The following MED27 variants were observed in gnomAD, a reference collection of about 807,000 sequenced individuals.
The protein encoded by MED27 is mediator complex subunit 27, also known as mediator of RNA polymerase II transcription subunit 27.
MED27 carries 30 observed loss-of-function variants against 38.2 expected under a neutral mutation model. That is an observed-to-expected ratio of 0.79 (90% CI 0.59 to 1.07). The LOEUF is 1.07. Among genes scored for constraint, MED27 ranks in the 50% least tolerant of loss-of-function variants. The pLI, the probability that MED27 is intolerant of heterozygous loss-of-function variation, is 0.00. For missense variants in MED27, 289 were observed against 397.5 expected (o/e 0.73, Z 2.32); for synonymous variants, 122 against 153.5 (o/e 0.79, Z 1.52).
At chr9:132,007,964 G>A (rs1234146803) in intron 3 of MED27, among the ~76,000 whole-genome samples, 1 of 152,102 alleles carries the variant, frequency 6.6e-6, no homozygotes, top group Admixed American at 6.5e-5. Flanking sequence ...CCAGGGCATG[G>A]AGGTAATAGT....
At chr9:131,906,125 T>C (rs1305322443) in intron 4 of MED27, among the ~76,000 whole-genome samples, 1 of 152,258 alleles carries the variant, frequency 6.6e-6, no homozygotes, top group East Asian at 1.9e-4. Context: ...ATTATTCACT[T>C]GCTCACTCAT....
rs76818655 is a variant in MED27 at position 131,957,082 on chromosome 9, T to C, written c.480-17608A>G. Reference sequence around the variant, plus strand: ...AAGGAGACGTCGCATTCGCTGCCGGTAGGAGTACAAAGTGGCAGAACAACT... The same window carrying C: ...AAGGAGACGTCGCATTCGCTGCCGGCAGGAGTACAAAGTGGCAGAACAACT... On this transcript the variant is annotated intron_variant, in intron 3 of 7. Coordinates refer to ENST00000292035, the MANE Select transcript of MED27 (RefSeq NM_004269.4). Among the ~76,000 whole-genome samples the C allele has an allele frequency of 2.2e-3, 331 of 152,274 alleles. 1 individual carries two copies. The highest frequency in any genetic ancestry group is 7.6e-3 in the African/African-American group (314 of 41,554).
Position 131,863,099 on chromosome 9 carries a change from C to T in MED27, c.765G>A (p.Leu255=), listed in dbSNP as rs1400776085. 6.2e-7 allele frequency: 1 copy of T among 1,614,154 alleles called. No individual in the cohort carries two copies. The highest frequency in any genetic ancestry group is 1.1e-5 in the South Asian group (1 of 91,070). ...HATTALLHYQ[L]PQMPDVVVRS... ...GGACCACGACATCCGGCATCTGGGG[C>T]AGCTGATAGTGGAGCAGGGCAGTGG... The change falls in exon 7 of 8, where the codon CTG becomes CTA. Residue 255 remains leucine, a synonymous_variant. Coordinates refer to ENST00000292035, the MANE Select transcript of MED27 (RefSeq NM_004269.4).
At chr9:132,026,706 TAGG>T (rs1429032908) in intron 2 of MED27, among the ~76,000 whole-genome samples, 2 of 152,136 alleles carry the variant, frequency 1.3e-5, no homozygotes. Context: ...GTAAGCCCCG[TAGG>T]AGTAGATATC....
chr9:131,985,201 A>C (rs1246554766), intron 3 of MED27, among the ~76,000 whole-genome samples: 2 of 151,944 alleles, frequency 1.3e-5, no homozygotes, highest in African/African-American at 4.8e-5. Flanking sequence ...GCGGACTCTA[A>C]GTCTTTACTG....
chr9:131,884,104 G>A lies in MED27; in HGVS notation c.682-5C>T, dbSNP rs1288474287. Reference sequence around the variant, plus strand: ...GGATTTGGACCATATATCAAGCTGAGGGGAAAGGAGAGAAGGATCATCAGC... The same window carrying A: ...GGATTTGGACCATATATCAAGCTGAAGGGAAAGGAGAGAAGGATCATCAGC... On this transcript the variant is annotated splice_region_variant and splice_polypyrimidine_tract_variant and intron_variant, in intron 5 of 7. Coordinates refer to ENST00000292035, the MANE Select transcript of MED27 (RefSeq NM_004269.4). 1 of 1,603,808 alleles carries A rather than the reference G, an allele frequency of 6.2e-7. No individual in the cohort carries two copies. Among genetic ancestry groups the A allele is most frequent in the African/African-American group, 1.3e-5 (1 of 74,496 alleles).
At chr9:132,019,571 T>C (rs540815313) in intron 2 of MED27, among the ~76,000 whole-genome samples, 25 of 152,254 alleles carry the variant, frequency 1.6e-4, no homozygotes, top group African/African-American at 6.0e-4. Flanking sequence ...AATCACAGAA[T>C]TTAACAATAG....
In MED27 at chr9:131,982,323, G is replaced by A. The variant is rs1831753575; in HGVS notation, c.479+32014C>T. ...AGATCACGTGCAGAGGCCACACGGA[G>A]AGGGAGGGGCTCTGAGGCTACAGGG... On this transcript the variant is annotated intron_variant, in intron 3 of 7. Transcript: ENST00000292035. The surrounding 1 kb of genome is among the most constrained non-coding windows in gnomAD (Gnocchi z 4.3). Among the ~76,000 whole-genome samples the A allele has an allele frequency of 6.6e-6, 1 of 152,218 alleles. No homozygotes were observed. Among genetic ancestry groups the A allele is most frequent in the Non-Finnish European group, 1.5e-5 (1 of 68,032 alleles).
At chr9:131,958,576 A>G (rs1467891776) in intron 3 of MED27, among the ~76,000 whole-genome samples, 1 of 152,182 alleles carries the variant, frequency 6.6e-6, no homozygotes, top group Non-Finnish European at 1.5e-5. Flanking sequence ...AGTCTTGGTT[A>G]GACAAGGCAA....
At chr9:132,042,465 C>T (rs1345219735) in intron 2 of MED27, among the ~76,000 whole-genome samples, 13 of 152,288 alleles carry the variant, frequency 8.5e-5, no homozygotes, top group African/African-American at 2.4e-4. Context: ...GAGACTTCAA[C>T]GTCTGCACTC....
At chr9:132,062,017 T>C (rs1833708132) in intron 2 of MED27, among the ~76,000 whole-genome samples, 2 of 152,216 alleles carry the variant, frequency 1.3e-5, no homozygotes, top group Admixed American at 1.3e-4. Context: ...CCATGTGCTC[T>C]GGAGACACAG....
chr9:131,902,431 ACT>A (rs1365479808), intron 4 of MED27, among the ~76,000 whole-genome samples: 1 of 152,068 alleles, frequency 6.6e-6, no homozygotes, highest in Non-Finnish European at 1.5e-5. Context: ...AAAGGCTGAA[ACT>A]CTGGCAGAGC....
chr9:131,997,552 T>TC lies in MED27; in HGVS notation c.479+16784dup, dbSNP rs912476933. Among the ~76,000 whole-genome samples, 4 of 152,188 alleles carry TC rather than the reference T, an allele frequency of 2.6e-5. No homozygotes were observed. The highest frequency in any genetic ancestry group is 9.7e-5 in the African/African-American group (4 of 41,436). On this transcript the variant is annotated intron_variant, in intron 3 of 7. Transcript: ENST00000292035. The surrounding 1 kb of genome is among the most constrained non-coding windows in gnomAD (Gnocchi z 4.0). Reference sequence around the variant, plus strand: ...CAGCCCTGCACTGTAGGCTGCCATCTCCCCCAGCAGTCCTGCTTCCTCCCA... The same window carrying TC: ...CAGCCCTGCACTGTAGGCTGCCATCTCCCCCCAGCAGTCCTGCTTCCTCCCA...
chr9:132,078,984 A>G (rs1834114775), intron 1 of MED27, among the ~76,000 whole-genome samples: 1 of 152,232 alleles, frequency 6.6e-6, no homozygotes, highest in Non-Finnish European at 1.5e-5. Flanking sequence ...CTAAAAGACT[A>G]CAAATTAAGA....
chr9:132,028,390 T>G (rs1832874011), intron 2 of MED27, among the ~76,000 whole-genome samples: 1 of 152,282 alleles, frequency 6.6e-6, no homozygotes, highest in East Asian at 1.9e-4. Flanking sequence ...CTGTCTCCCA[T>G]ACCTTAGAAT....
At chr9:132,060,760 C>A (rs1263473660) in intron 2 of MED27, among the ~76,000 whole-genome samples, 1 of 152,176 alleles carries the variant, frequency 6.6e-6, no homozygotes, top group Non-Finnish European at 1.5e-5. Flanking sequence ...ATCAGCCTGG[C>A]CAATATGGTG....
rs925058471 is a variant in MED27 at position 131,917,807 on chromosome 9, A to C, written c.573+21574T>G. On this transcript the variant is annotated intron_variant, in intron 4 of 7. Coordinates refer to ENST00000292035, the MANE Select transcript of MED27 (RefSeq NM_004269.4). The surrounding 1 kb of genome is among the most constrained non-coding windows in gnomAD (Gnocchi z 4.6). The stretch of plus-strand genomic sequence containing the variant: ...ATCCAAAGGGTGTAGGATAAGCGTA[A>C]GACAAGTAGTCTGGCCTGAAAACAT... 6.6e-5 allele frequency among the ~76,000 whole-genome samples: 10 copies of C among 152,226 alleles called. No individual in the cohort carries two copies. Among genetic ancestry groups the C allele is most frequent in the African/African-American group, 2.4e-4 (10 of 41,464 alleles).
At chr9:131,947,105 C>T (rs1157073973) in intron 3 of MED27, among the ~76,000 whole-genome samples, 1 of 152,156 alleles carries the variant, frequency 6.6e-6, no homozygotes, top group Non-Finnish European at 1.5e-5. Flanking sequence ...TAAATATTTC[C>T]TGAATGAACA....
chr9:131,877,838 A>G (rs535229859), intron 6 of MED27, among the ~76,000 whole-genome samples: 15 of 152,338 alleles, frequency 9.8e-5, no homozygotes, highest in African/African-American at 2.6e-4. Flanking sequence ...CCACCAACGC[A>G]ATATCAGGTG....
Sources: allele counts gnomAD v4.1 joint callset (sites outside exome capture counted in the v4.1 genomes callset), GRCh38; gene constraint gnomAD v4.1.1; non-coding constraint Gnocchi (gnomAD v3.1); transcripts MANE v1.5; gene names NCBI Gene and HGNC (gene_info 2026-07-23, HGNC 2026-07-21).